The following STAB2 variants were observed in gnomAD, a reference collection of about 807,000 sequenced individuals.
The protein encoded by STAB2 is stabilin 2, also known as stabilin-2.
STAB2 carries 288 observed loss-of-function variants against 338.1 expected under a neutral mutation model. That is an observed-to-expected ratio of 0.85 (90% CI 0.77 to 0.94). The LOEUF (loss-of-function observed/expected upper bound fraction) is 0.94, where lower values mean the gene tolerates loss of function less well. Ranked by LOEUF, STAB2 falls within the 40% of genes least tolerant of loss-of-function variation. The pLI, the probability that STAB2 is intolerant of heterozygous loss-of-function variation, is 0.00. For missense variants in STAB2, 3,141 were observed against 3,210.1 expected, an observed-to-expected ratio of 0.98 and a Z score of 0.52; for synonymous variants, 1,202 against 1,193.3, an observed-to-expected ratio of 1.01 and a Z score of -0.15.
At position 103,695,210 on chromosome 12, in the gene STAB2, C is replaced by T. The variant is rs531683406; in HGVS notation, c.3376-340C>T. Among the ~76,000 whole-genome samples, 13 of 152,262 alleles carry T rather than the reference C, an allele frequency of 8.5e-5. No homozygotes were observed. In the Middle Eastern group the frequency reaches 0.01, roughly 120 times the overall value. On this transcript the variant is annotated intron_variant, in intron 31 of 68. Transcript: ENST00000388887. ...AGCTGCAACCTGCTGTGTTTCACCTCGATTTGGTCTAAGGTCTTCTCTGAC... is the reference window on the plus strand; with the variant it reads ...AGCTGCAACCTGCTGTGTTTCACCTTGATTTGGTCTAAGGTCTTCTCTGAC...
chr12:103,766,373 C>T lies in STAB2; in HGVS notation c.*37C>T. 1.9e-6 allele frequency: 3 copies of T among 1,581,122 alleles called. No individual in the cohort carries two copies. Among genetic ancestry groups the T allele is most frequent in the Non-Finnish European group, 2.6e-6 (3 of 1,162,906 alleles). On this transcript the variant is annotated 3_prime_UTR_variant, in exon 69 of 69. Transcript: ENST00000388887. ...GGAGATGCCAGCCATCACTCACTGC[C>T]ACCTGGGCCATCAACTGTGAATTCT...
At chr12:103,745,144 T>A (rs1170752545) in intron 56 of STAB2, 29 bp from the exon 57 acceptor site, 1 of 1,599,426 alleles carries the variant, frequency 6.3e-7, no homozygotes. Context: ...CAACCCCTGA[T>A]GACTGACCAT....
intron 23 of STAB2, among the ~76,000 whole-genome samples, chr12:103,675,133 T>A (rs917935180): frequency 1.1e-4 from 17 of 152,194 alleles, no homozygotes; most frequent in African/African-American, 3.6e-4. Flanking sequence ...AAATATATAT[T>A]TTTTTAATTT....
In STAB2 at chr12:103,662,262, A is replaced by G. The variant is rs547418234; in HGVS notation, c.1870-584A>G. On this transcript the variant is annotated intron_variant, in intron 17 of 68. Coordinates refer to ENST00000388887, the MANE Select transcript of STAB2 (RefSeq NM_017564.10). Reference sequence around the variant, plus strand: ...TGATGAGTTAAATGGGGGTGAAGACAGAGGAAGCCAGGATAACTCATGGAG... The same window carrying G: ...TGATGAGTTAAATGGGGGTGAAGACGGAGGAAGCCAGGATAACTCATGGAG... 2.0e-5 allele frequency among the ~76,000 whole-genome samples: 3 copies of G among 152,338 alleles called. No homozygotes were observed. The South Asian group carries it at 6.2e-4, about 32-fold the overall frequency.
At chr12:103,667,146 C>T (rs1363047999) in intron 19 of STAB2, among the ~76,000 whole-genome samples, 1 of 152,158 alleles carries the variant, frequency 6.6e-6, no homozygotes, top group Non-Finnish European at 1.5e-5. Flanking sequence ...AGGTTATGAG[C>T]TCTTTAATGT....
chr12:103,766,260 C>A (rs763854938), intron 68 of STAB2, 26 bp from the exon 69 acceptor site: 2 of 1,613,936 alleles, frequency 1.2e-6, no homozygotes, highest in East Asian at 2.2e-5. Flanking sequence ...GAATGCCCTG[C>A]CCCCTTACAA....
rs879351405 is a variant in STAB2, at chr12:103,748,587, CACACACACACACACACAT to C, written c.6245-358_6245-341del. ...TCAATATTGTACTAACTCTACACCA[CACACACACACACACACAT>C]ACACACACACACACACACACACACA... On this transcript the variant is annotated intron_variant, in intron 58 of 68. Transcript: ENST00000388887. Among the ~76,000 whole-genome samples the C allele has an allele frequency of 0.011, 450 of 42,396 alleles. 14 individuals are homozygous for C. In the East Asian group the frequency reaches 0.26, roughly 24 times the overall value. 27.8% of individuals were successfully genotyped at this position (42,396 alleles called of 152,430 possible). A position where few individuals can be genotyped will look rare whatever the true frequency, so the allele number is the denominator to read the frequency against.
At chr12:103,757,574 G>A (rs574319674) in intron 63 of STAB2, among the ~76,000 whole-genome samples, 49 of 152,216 alleles carry the variant, frequency 3.2e-4, no homozygotes, top group Non-Finnish European at 5.3e-4. Flanking sequence ...GAAGTGATGG[G>A]GGAAGGCTTT....
chr12:103,746,880 C>T (rs886970032), intron 58 of STAB2, among the ~76,000 whole-genome samples, 176 bp downstream of exon 58: 1 of 152,076 alleles, frequency 6.6e-6, no homozygotes, highest in African/African-American at 2.4e-5. Context: ...GATCTGCTCA[C>T]CCTCTAGGTC....
intron 9 of STAB2, among the ~76,000 whole-genome samples, chr12:103,640,948 A>C (rs1872881649): frequency 6.6e-6 from 1 of 152,202 alleles, no homozygotes; most frequent in Admixed American, 6.5e-5. Flanking sequence ...ATGTTTCTAG[A>C]AACTATGACA....
At chr12:103,684,271 CA>C (rs1258524444) in intron 26 of STAB2, among the ~76,000 whole-genome samples, 9 of 152,258 alleles carry the variant, frequency 5.9e-5, no homozygotes, top group African/African-American at 2.2e-4. Context: ...CTAACTGGCC[CA>C]ACTGGGTGCA....
chr12:103,751,563 G>A (rs1883654309), intron 60 of STAB2, among the ~76,000 whole-genome samples: 2 of 152,168 alleles, frequency 1.3e-5, no homozygotes, highest in African/African-American at 4.8e-5. Flanking sequence ...TCTAGGTACA[G>A]GGGCACTTCC....
chr12:103,755,195 G>A (rs1384517722), intron 61 of STAB2, 107 bp from the exon 62 acceptor site: 2 of 1,483,352 alleles, frequency 1.3e-6, no homozygotes, highest in Admixed American at 1.9e-5. Context: ...TAGGCAAAGT[G>A]AGACTTTATG....
intron 21 of STAB2, among the ~76,000 whole-genome samples, chr12:103,670,438 G>T (rs943343750): frequency 6.6e-6 from 1 of 152,184 alleles, no homozygotes; most frequent in African/African-American, 2.4e-5. Flanking sequence ...CTTAAGCATT[G>T]TTGAAAGGTT....
At chr12:103,638,317 G>A (rs1957585711) in intron 8 of STAB2, 105 bp downstream of exon 8, 2 of 1,285,860 alleles carry the variant, frequency 1.6e-6, no homozygotes, top group East Asian at 2.5e-5. Context: ...CCCTTTCAAT[G>A]TTCCGCTTGG....
At chr12:103,613,658 G>A (rs577414608) in intron 3 of STAB2, among the ~76,000 whole-genome samples, 2 of 152,240 alleles carry the variant, frequency 1.3e-5, no homozygotes, top group African/African-American at 2.4e-5. Flanking sequence ...GCCTCGCCCT[G>A]CTTCAGCTCA....
intron 63 of STAB2, among the ~76,000 whole-genome samples, chr12:103,757,203 C>A (rs1341118356): frequency 6.6e-6 from 1 of 151,706 alleles, no homozygotes; most frequent in African/African-American, 2.4e-5. Context: ...CTCCTCCCAC[C>A]CCAGCCTCCA....
At chr12:103,674,597 A>G (rs1876155234) in intron 23 of STAB2, among the ~76,000 whole-genome samples, 7 of 152,200 alleles carry the variant, frequency 4.6e-5, no homozygotes, top group Admixed American at 3.3e-4. Flanking sequence ...CTTGCAGGAA[A>G]TTGGGTCTTT....
At chr12:103,640,001 C>G in intron 8 of STAB2, 122 bp from the exon 9 acceptor site, 2 of 1,212,018 alleles carry the variant, frequency 1.7e-6, no homozygotes, top group South Asian at 1.9e-5. Context: ...TAGTTTAAGT[C>G]CACACTTCAG....
Sources: allele counts gnomAD v4.1 joint callset (sites outside exome capture counted in the v4.1 genomes callset), GRCh38; gene constraint gnomAD v4.1.1; transcripts MANE v1.5; gene names NCBI Gene and HGNC (gene_info 2026-07-23, HGNC 2026-07-21).